Variants in KAZN observed in about 807,000 individuals in gnomAD.
KAZN encodes the protein kazrin, periplakin interacting protein.
KAZN carries 40 observed loss-of-function variants against 87.4 expected under a neutral mutation model. That is an observed-to-expected ratio of 0.46 (90% CI 0.36 to 0.60). KAZN has a LOEUF of 0.60. KAZN is among the 20% of genes least tolerant of loss of function. The probability of loss-of-function intolerance (pLI) is 0.00; values close to 1 mark genes in which losing one functional copy is unlikely to be tolerated. For synonymous variants in KAZN, 466 were observed against 458.3 expected (o/e 1.02, Z -0.22); for missense variants, 898 against 1,073.9 (o/e 0.84, Z 2.29).
chr1:13,981,421 G>A (rs1190274532), intron 1 of KAZN, among the ~76,000 whole-genome samples: 1 of 150,618 alleles, frequency 6.6e-6, no homozygotes, highest in Non-Finnish European at 1.5e-5. Flanking sequence ...GTTCCATGAT[G>A]TCATTTTAGC....
intron 2 of KAZN, among the ~76,000 whole-genome samples, chr1:14,402,421 A>G (rs888738018): frequency 1.3e-5 from 2 of 152,166 alleles, no homozygotes; most frequent in African/African-American, 4.8e-5. Flanking sequence ...TAAAAATAAC[A>G]AAAGCCTTGC....
At chr1:14,034,189 A>G (rs1006861198) in intron 1 of KAZN, among the ~76,000 whole-genome samples, 13 of 152,224 alleles carry the variant, frequency 8.5e-5, no homozygotes, top group African/African-American at 3.1e-4. Context: ...CATAATGGCA[A>G]ATCTAGACCT....
intron 1 of KAZN, among the ~76,000 whole-genome samples, chr1:13,975,724 T>C (rs757944390): frequency 3.9e-5 from 6 of 152,138 alleles, no homozygotes; most frequent in Non-Finnish European, 8.8e-5. Flanking sequence ...CCCTACCAGA[T>C]CATGAACTAG....
chr1:15,050,159 G>GATAGAATAGAATAGAATAGAATA (rs201481507), intron 4 of KAZN, among the ~76,000 whole-genome samples: 1 of 131,332 alleles, frequency 7.6e-6, no homozygotes, highest in African/African-American at 2.9e-5. Context: ...AGAATAGAAT[G>GATAGAATAGAATAGAATAGAATA]GAATAGAATA....
intron 2 of KAZN, among the ~76,000 whole-genome samples, chr1:14,448,885 C>G (rs959207838): frequency 2.1e-4 from 32 of 152,192 alleles, no homozygotes; most frequent in African/African-American, 7.5e-4. Flanking sequence ...GCTTCTGCCT[C>G]CTGTCATGGA....
rs118027754 is a variant in KAZN at position 14,966,971 on chromosome 1, C to T, written c.418+6096C>T. Among the ~76,000 whole-genome samples, 17 of 152,268 alleles carry T rather than the reference C, an allele frequency of 1.1e-4. No homozygotes were observed. In the East Asian group the frequency reaches 2.7e-3, roughly 24 times the overall value. On this transcript the variant is annotated intron_variant, in intron 2 of 14. Coordinates refer to ENST00000376030, the MANE Select transcript of KAZN (RefSeq NM_201628.3). ...GGCATGAGCCACTGCACCCGGCCCC[C>T]GCATATGTATTACTGGCGGAAAATG...
At chr1:14,399,296 C>T (rs1663178472) in intron 2 of KAZN, among the ~76,000 whole-genome samples, 1 of 152,164 alleles carries the variant, frequency 6.6e-6, no homozygotes, top group South Asian at 2.1e-4. Flanking sequence ...GGATTATAAG[C>T]ATGGGCCACC....
chr1:14,180,381 CT>C, intron 1 of KAZN: 15 of 1,505,932 alleles, frequency 1.0e-5, no homozygotes, highest in Non-Finnish European at 1.3e-5. Context: ...TAGTCAATTT[CT>C]CTTTGAAAGT....
Position 15,116,529 on chromosome 1 carries a change from A to C in KAZN, c.*1894A>C, listed in dbSNP as rs1641848963. ...TGGCTTTGTTGAGACTCCAAATTCC[A>C]TTATCTTCATGACATTCGGCCTCAT... On this transcript the variant is annotated 3_prime_UTR_variant, in exon 15 of 15. Transcript: ENST00000376030. 1.3e-5 allele frequency: 2 copies of C among 152,140 alleles called. No homozygotes were observed. The highest frequency in any genetic ancestry group is 4.8e-5 in the African/African-American group (2 of 41,412). The allele number at this position is 152,140 out of a possible 1,614,324, so 9.4% of individuals were successfully genotyped here. A position where few individuals can be genotyped will look rare whatever the true frequency, so the allele number is the denominator to read the frequency against.
In KAZN at chr1:15,098,330, C is replaced by T. The variant is rs538968364; in HGVS notation, c.1548-3213C>T. On this transcript the variant is annotated intron_variant, in intron 10 of 14. Transcript: ENST00000376030. ...TCTTACAATAAATAGCTCAAACCAA[C>T]AGCTGGGAACGTATCGCCAAGCTGC... 1.1e-4 allele frequency among the ~76,000 whole-genome samples: 17 copies of T among 152,250 alleles called. 1 individual carries two copies. Among genetic ancestry groups the T allele is most frequent in the Admixed American group, 2.0e-4 (3 of 15,292 alleles).
At chr1:14,201,910 C>T (rs929513911) in intron 2 of KAZN, among the ~76,000 whole-genome samples, 19 of 152,322 alleles carry the variant, frequency 1.2e-4, no homozygotes, top group Non-Finnish European at 2.2e-4. Context: ...TCAGGTGATC[C>T]GCCTGCCTCG....
At chr1:14,685,761 T>G (rs141259691) in intron 1 of KAZN, among the ~76,000 whole-genome samples, 57 of 152,314 alleles carry the variant, frequency 3.7e-4, no homozygotes, top group African/African-American at 1.4e-3. Flanking sequence ...TGGCAGAGGA[T>G]AAGGAACCAC....
In KAZN at chr1:15,054,911, G is replaced by A. The variant is rs186395637; in HGVS notation, c.727-1180G>A. Among the ~76,000 whole-genome samples the A allele has an allele frequency of 8.7e-4, 133 of 152,338 alleles. No homozygotes were observed. In the East Asian group the frequency reaches 0.022, roughly 25 times the overall value. On this transcript the variant is annotated intron_variant, in intron 4 of 14. Transcript: ENST00000376030. ...CCCTCCTGTCCTACATGTTCTTGGC[G>A]TGGGCTCCTGAGAGCTGGGCTTAGG...
At chr1:14,464,896 T>C (rs566788517) in intron 2 of KAZN, among the ~76,000 whole-genome samples, 35 of 152,214 alleles carry the variant, frequency 2.3e-4, no homozygotes, top group African/African-American at 8.4e-4. Context: ...TCATATCACC[T>C]TGTTACATAG....
chr1:14,442,029 T>G (rs1053385920), intron 2 of KAZN, among the ~76,000 whole-genome samples: 2 of 152,148 alleles, frequency 1.3e-5, no homozygotes, highest in African/African-American at 4.8e-5. Flanking sequence ...GAGGAGCAAG[T>G]GGGAGCTGAA....
At chr1:14,295,094 A>G (rs1378427107) in intron 2 of KAZN, among the ~76,000 whole-genome samples, 1 of 152,072 alleles carries the variant, frequency 6.6e-6, no homozygotes, top group African/African-American at 2.4e-5. Flanking sequence ...AAATGAGGTT[A>G]ATGATATTTA....
intron 2 of KAZN, among the ~76,000 whole-genome samples, chr1:14,523,616 C>A (rs948626712): frequency 2.6e-5 from 4 of 152,250 alleles, no homozygotes; most frequent in African/African-American, 9.6e-5. Flanking sequence ...ACTTCCTTCA[C>A]TTTCTCTCCT....
At chr1:14,023,943 G>A (rs919482798) in intron 1 of KAZN, among the ~76,000 whole-genome samples, 6 of 152,196 alleles carry the variant, frequency 3.9e-5, no homozygotes, top group Non-Finnish European at 8.8e-5. Flanking sequence ...TCAGACCATT[G>A]AGGACTTTGG....
chr1:14,341,379 A>C (rs1332285518), intron 2 of KAZN, among the ~76,000 whole-genome samples: 1 of 152,066 alleles, frequency 6.6e-6, no homozygotes, highest in African/African-American at 2.4e-5. Context: ...ATCCTGTTGA[A>C]TCCTAAGTCA....
Sources: allele counts gnomAD v4.1 joint callset (sites outside exome capture counted in the v4.1 genomes callset), GRCh38; gene constraint gnomAD v4.1.1; transcripts MANE v1.5; gene names NCBI Gene and HGNC (gene_info 2026-07-23, HGNC 2026-07-21).